Variants in MYT1L observed in about 807,000 individuals in gnomAD.
The protein encoded by MYT1L is myelin transcription factor 1-like protein.
In MYT1L, 12 loss-of-function variants were observed where a neutral mutation model predicts 126.7. The observed-to-expected ratio is 0.09, with a 90% CI of 0.06 to 0.15. The LOEUF (loss-of-function observed/expected upper bound fraction) is 0.15. MYT1L is among the 10% of genes least tolerant of loss of function. The probability of loss-of-function intolerance (pLI) is 1.00; values close to 1 mark genes in which losing one functional copy is unlikely to be tolerated. For missense variants in MYT1L, 979 were observed against 1,585.2 expected, an observed-to-expected ratio of 0.62 and a Z score of 6.49; for synonymous variants, 541 against 604.2, an observed-to-expected ratio of 0.90 and a Z score of 1.53.
chr2:1,928,373 G>A (rs568930080), intron 9 of MYT1L, among the ~76,000 whole-genome samples: 1 of 152,334 alleles, frequency 6.6e-6, no homozygotes, highest in African/African-American at 2.4e-5. Flanking sequence ...TGCTCCCTCT[G>A]AAAGGTGACA....
At chr2:2,267,394 G>A (rs561270557) in intron 2 of MYT1L, among the ~76,000 whole-genome samples, 8 of 152,220 alleles carry the variant, frequency 5.3e-5, no homozygotes, top group Non-Finnish European at 8.8e-5. Flanking sequence ...GCGGAGCAGA[G>A]TGTAAACCCA....
chr2:2,180,617 C>T (rs1559248594), intron 2 of MYT1L, among the ~76,000 whole-genome samples: 1 of 147,556 alleles, frequency 6.8e-6, no homozygotes, highest in Non-Finnish European at 1.5e-5. Context: ...TGCTTATGTA[C>T]CTGTGTGTAG....
rs371576100 is a variant in MYT1L, at chr2:1,917,513, C to T, written c.1484-174G>A. ...TTCTTTGGTTTTGGGTGACTTTTTT[C>T]AACCTTACACAGTATAATCATGAAT... On this transcript the variant is annotated intron_variant, in intron 10 of 24. Transcript: ENST00000647738. This position sits in a 1 kb window ranked among gnomAD's most constrained non-coding sequence, Gnocchi z 5.9. 1.3e-5 allele frequency among the ~76,000 whole-genome samples: 2 copies of T among 152,182 alleles called. No individual in the cohort carries two copies. The highest frequency in any genetic ancestry group is 1.5e-5 in the Non-Finnish European group (1 of 68,030).
At chr2:1,958,617 G>A (rs906447155) in intron 8 of MYT1L, among the ~76,000 whole-genome samples, 1 of 152,188 alleles carries the variant, frequency 6.6e-6, no homozygotes, top group Non-Finnish European at 1.5e-5. Flanking sequence ...GCTGCCCTCC[G>A]TCAGAGCCGC....
intron 19 of MYT1L, among the ~76,000 whole-genome samples, chr2:1,844,229 C>T (rs747432819): frequency 1.2e-4 from 18 of 152,182 alleles, no homozygotes; most frequent in South Asian, 6.2e-4. Flanking sequence ...GCACTGAACA[C>T]CCCCAGGAGT....
At chr2:2,205,825 C>G (rs1393811550) in intron 2 of MYT1L, among the ~76,000 whole-genome samples, 1 of 152,160 alleles carries the variant, frequency 6.6e-6, no homozygotes, top group Non-Finnish European at 1.5e-5. Flanking sequence ...AGTCCAAAAT[C>G]CTTACGTGGT....
rs549879691 is a variant in MYT1L at position 1,811,953 on chromosome 2, C to A, written c.3081-2786G>T. On this transcript the variant is annotated intron_variant, in intron 21 of 24. Transcript: ENST00000647738. The surrounding 1 kb of genome is among the most constrained non-coding windows in gnomAD (Gnocchi z 4.4). ...TTATCCGTAAATCTGCTTCTGAAGG[C>A]GAGCTGGATATTTTCATTTGTAAAA... Among the ~76,000 whole-genome samples, 1 of 152,174 alleles carries A rather than the reference C, an allele frequency of 6.6e-6. No homozygotes were observed. Among genetic ancestry groups the A allele is most frequent in the Non-Finnish European group, 1.5e-5 (1 of 68,040 alleles).
chr2:2,306,157 T>C (rs919829320), intron 1 of MYT1L: 10 of 152,188 alleles, frequency 6.6e-5, no homozygotes, highest in African/African-American at 2.4e-4. Flanking sequence ...GGTTTTGCCC[T>C]GGTGGGACAA....
chr2:2,053,731 G>A (rs575385635), intron 4 of MYT1L, among the ~76,000 whole-genome samples: 1 of 152,068 alleles, frequency 6.6e-6, no homozygotes, highest in Middle Eastern at 3.2e-3. Context: ...TTCTTCTTTT[G>A]GGTGATGTTA....
intron 3 of MYT1L, among the ~76,000 whole-genome samples, chr2:2,147,999 G>A (rs1257450300): frequency 2.0e-5 from 3 of 152,212 alleles, no homozygotes; most frequent in Non-Finnish European, 4.4e-5. Flanking sequence ...GAGCCAGATA[G>A]AGAATGCTGT....
At position 1,820,773 on chromosome 2, in the gene MYT1L, T is replaced by C. The variant is rs542969228; in HGVS notation, c.3081-11606A>G. Among the ~76,000 whole-genome samples, 13 of 152,272 alleles carry C rather than the reference T, an allele frequency of 8.5e-5. No homozygotes were observed. In the East Asian group the frequency reaches 1.2e-3, roughly 14 times the overall value. ...TGTTGCCCAGGTTGGTCTTAAACTC[T>C]TGGGCTCAAGTGATCCTCCTGCGTC... On this transcript the variant is annotated intron_variant, in intron 21 of 24. Coordinates refer to ENST00000647738, the MANE Select transcript of MYT1L (RefSeq NM_001303052.2).
chr2:2,115,043 T>C (rs949357886), intron 3 of MYT1L, among the ~76,000 whole-genome samples: 2 of 152,204 alleles, frequency 1.3e-5, no homozygotes, highest in African/African-American at 4.8e-5. Context: ...GGATCTCCCC[T>C]CTGCCTGGCA....
At chr2:2,235,679 C>T (rs906679142) in intron 2 of MYT1L, among the ~76,000 whole-genome samples, 1 of 152,196 alleles carries the variant, frequency 6.6e-6, no homozygotes, top group Non-Finnish European at 1.5e-5. Context: ...CGCAGCCCCT[C>T]CTCAGTTCCA....
chr2:2,202,238 A>T (rs2093111864), intron 2 of MYT1L, among the ~76,000 whole-genome samples: 2 of 152,174 alleles, frequency 1.3e-5, no homozygotes, highest in South Asian at 2.1e-4. Flanking sequence ...AAACACATTC[A>T]AAAGCTAGCA....
At chr2:2,074,742 G>A (rs2075021350) in intron 3 of MYT1L, among the ~76,000 whole-genome samples, 2 of 152,152 alleles carry the variant, frequency 1.3e-5, no homozygotes, top group African/African-American at 4.8e-5. Flanking sequence ...AGAATGAGAT[G>A]TTGGTTTTGA....
chr2:1,861,924 G>C, intron 18 of MYT1L, among the ~76,000 whole-genome samples: 1 of 152,274 alleles, frequency 6.6e-6, no homozygotes, highest in African/African-American at 2.4e-5. Flanking sequence ...GGATCCTCCT[G>C]CAGCCTGTGT....
intron 18 of MYT1L, among the ~76,000 whole-genome samples, chr2:1,857,492 G>A (rs2044061390): frequency 6.6e-6 from 1 of 152,160 alleles, no homozygotes; most frequent in Non-Finnish European, 1.5e-5. Context: ...CAGATGGAGA[G>A]ACTTTGAGTT....
intron 3 of MYT1L, among the ~76,000 whole-genome samples, chr2:2,160,524 G>A (rs980380597): frequency 1.3e-5 from 2 of 152,214 alleles, no homozygotes; most frequent in African/African-American, 2.4e-5. Context: ...AGGTGAGAGG[G>A]TTGAGGGGAG....
chr2:1,994,955 G>A (rs1003334876), intron 5 of MYT1L, among the ~76,000 whole-genome samples: 3 of 152,136 alleles, frequency 2.0e-5, no homozygotes, highest in Admixed American at 2.0e-4. Context: ...AAAACTTAGA[G>A]AAACCTGTGT....
Sources: gnomAD v4.1 joint callset for allele counts (sites outside exome capture counted in the v4.1 genomes callset) on GRCh38, gnomAD v4.1.1 for gene constraint, Gnocchi (gnomAD v3.1) non-coding constraint, MANE v1.5 for transcripts, NCBI Gene and HGNC (gene_info 2026-07-23, HGNC 2026-07-21) for gene names.